Variants in C13orf42 observed in about 807,000 individuals in gnomAD.
C13orf42 encodes the protein uncharacterized protein C13orf42.
chr13:51,109,508 G>A (rs1005571005), intron 1 of C13orf42, among the ~76,000 whole-genome samples: 1 of 152,100 alleles, frequency 6.6e-6, no homozygotes, highest in Admixed American at 6.5e-5. Flanking sequence ...AGCAACTTTG[G>A]GAGACCAAGG....
intron 3 of C13orf42, among the ~76,000 whole-genome samples, chr13:51,085,042 G>A (rs1190809162): frequency 6.6e-6 from 1 of 152,044 alleles, no homozygotes; most frequent in Non-Finnish European, 1.5e-5. Flanking sequence ...AAGGTGGATG[G>A]CACAGTGCAT....
chr13:51,169,483 G>A (rs1156542948), intron 1 of C13orf42, among the ~76,000 whole-genome samples: 2 of 152,212 alleles, frequency 1.3e-5, no homozygotes, highest in South Asian at 2.1e-4. Context: ...ATGTAAAGAG[G>A]AGCCAAATGT....
At chr13:51,113,940 G>A (rs1354346971), upstream of C13orf42, among the ~76,000 whole-genome samples, 1 of 152,228 alleles carries the variant, frequency 6.6e-6, no homozygotes, top group Middle Eastern at 3.2e-3. Context: ...TCCTCTTCCT[G>A]GTGGTGTCAG....
At chr13:51,165,510 T>G (rs577765973) in intron 1 of C13orf42, among the ~76,000 whole-genome samples, 1 of 150,662 alleles carries the variant, frequency 6.6e-6, no homozygotes, top group African/African-American at 2.5e-5. Flanking sequence ...AACTTAAGAG[T>G]TTGGGAAGAA....
intron 1 of C13orf42, 128 bp downstream of exon 1, chr13:51,110,668 C>T (rs1303042142): frequency 5.0e-6 from 2 of 396,754 alleles, no homozygotes; most frequent in Non-Finnish European, 8.9e-6. Context: ...CATCTGAGGA[C>T]TATTGCGCCG....
intron 1 of C13orf42, among the ~76,000 whole-genome samples, chr13:51,109,992 C>T (rs546162169): frequency 6.6e-6 from 1 of 152,160 alleles, no homozygotes; most frequent in South Asian, 2.1e-4. Flanking sequence ...CAAATTATTT[C>T]TTTCACTCAT....
chr13:51,146,835 A>T (rs1953739729), intron 1 of C13orf42, among the ~76,000 whole-genome samples: 1 of 152,126 alleles, frequency 6.6e-6, no homozygotes, highest in South Asian at 2.1e-4. Flanking sequence ...TAGCTTAGTG[A>T]TTTGGGAAAC....
intron 1 of C13orf42, among the ~76,000 whole-genome samples, chr13:51,122,442 G>A (rs534310166): frequency 2.6e-4 from 40 of 151,680 alleles, no homozygotes; most frequent in South Asian, 2.1e-3. Flanking sequence ...GCTGAAGCAG[G>A]AGAATTGCTT....
intron 1 of C13orf42, among the ~76,000 whole-genome samples, chr13:51,133,556 T>C (rs1953635224): frequency 1.3e-5 from 2 of 152,008 alleles, no homozygotes; most frequent in Non-Finnish European, 2.9e-5. Context: ...TTTTATTTAT[T>C]AAATATATAT....
intron 1 of C13orf42, among the ~76,000 whole-genome samples, chr13:51,150,980 T>C (rs1352103367): frequency 6.6e-6 from 1 of 152,198 alleles, no homozygotes; most frequent in African/African-American, 2.4e-5. Flanking sequence ...TGTAGAATCT[T>C]CAACTCTTCA....
At chr13:51,166,652 G>A (rs536898808) in intron 1 of C13orf42, among the ~76,000 whole-genome samples, 9 of 150,608 alleles carry the variant, frequency 6.0e-5, no homozygotes, top group Middle Eastern at 3.5e-3. Context: ...TGTTCTTTCC[G>A]GTACATTTTT....
intron 1 of C13orf42, among the ~76,000 whole-genome samples, chr13:51,116,803 T>A (rs1953495607): frequency 6.6e-6 from 1 of 152,274 alleles, no homozygotes; most frequent in Non-Finnish European, 1.5e-5. Flanking sequence ...GGCACTTATG[T>A]GGCTGCATTC....
intron 1 of C13orf42, among the ~76,000 whole-genome samples, chr13:51,100,181 G>A: frequency 6.6e-6 from 1 of 150,552 alleles, no homozygotes. Flanking sequence ...TAAAAAAAAA[G>A]AAAAACGGAA....
intron 1 of C13orf42, among the ~76,000 whole-genome samples, chr13:51,091,429 T>A (rs1157405296): frequency 6.6e-6 from 1 of 152,170 alleles, no homozygotes; most frequent in Non-Finnish European, 1.5e-5. Context: ...GGCAGGGGCA[T>A]AAACAAATGT....
intron 1 of C13orf42, among the ~76,000 whole-genome samples, chr13:51,133,141 T>C (rs1352419417): frequency 6.6e-6 from 1 of 152,226 alleles, no homozygotes. Context: ...CCTTTATTCC[T>C]CTACTTTCTT....
At chr13:51,169,938 A>G (rs1423113381) in intron 1 of C13orf42, among the ~76,000 whole-genome samples, 1 of 152,244 alleles carries the variant, frequency 6.6e-6, no homozygotes, top group Admixed American at 6.5e-5. Flanking sequence ...GATGGCCTGA[A>G]GTAACTGAAG....
chr13:51,086,301 G>A (rs1452741070), intron 2 of C13orf42, among the ~76,000 whole-genome samples: 5 of 138,066 alleles, frequency 3.6e-5, no homozygotes, highest in East Asian at 4.2e-4. Flanking sequence ...GCGAGACTCC[G>A]TCTCAAAAAA....
At chr13:51,157,939 G>T (rs1381372416) in intron 1 of C13orf42, among the ~76,000 whole-genome samples, 1 of 152,176 alleles carries the variant, frequency 6.6e-6, no homozygotes, top group Non-Finnish European at 1.5e-5. Flanking sequence ...GCCTTAAAGT[G>T]AGTTTAGGAC....
At chr13:51,114,119 G>A (rs1289069289), upstream of C13orf42, among the ~76,000 whole-genome samples, 1 of 152,232 alleles carries the variant, frequency 6.6e-6, no homozygotes, top group Non-Finnish European at 1.5e-5. Context: ...GGCAGCAGGT[G>A]TAGAAGAGCT....
Sources: allele counts gnomAD v4.1 joint callset (sites outside exome capture counted in the v4.1 genomes callset), GRCh38; gene constraint gnomAD v4.1.1; transcripts MANE v1.5; gene names NCBI Gene and HGNC (gene_info 2026-07-23, HGNC 2026-07-21).